The following PRKG1 variants were observed in gnomAD, a reference collection of about 807,000 sequenced individuals.
The protein encoded by PRKG1 is protein kinase cGMP-dependent 1.
PRKG1 carries 35 observed loss-of-function variants against 88.1 expected under a neutral mutation model. The ratio of observed to expected loss-of-function variants is 0.40; its 90% CI spans 0.30 to 0.53. The LOEUF is 0.53. Ranked by LOEUF, PRKG1 falls within the 20% of genes least tolerant of loss-of-function variation. The pLI is 0.59. For synonymous variants in PRKG1, 303 were observed against 292.5 expected, an observed-to-expected ratio of 1.04 and a Z score of -0.37; for missense variants, 540 against 839.8, an observed-to-expected ratio of 0.64 and a Z score of 4.41.
chr10:51,924,824 T>C (rs1842538074), intron 5 of PRKG1, among the ~76,000 whole-genome samples: 1 of 151,918 alleles, frequency 6.6e-6, no homozygotes, highest in Non-Finnish European at 1.5e-5. Context: ...TTGAGTCTAC[T>C]GATTGGCCCA....
At chr10:51,846,254 T>A (rs1840395138) in intron 4 of PRKG1, among the ~76,000 whole-genome samples, 1 of 152,198 alleles carries the variant, frequency 6.6e-6, no homozygotes, top group African/African-American at 2.4e-5. Context: ...AGAAAACTGT[T>A]GTTTTGCTTC....
At chr10:52,020,889 T>C (rs528949999) in intron 5 of PRKG1, among the ~76,000 whole-genome samples, 3 of 152,178 alleles carry the variant, frequency 2.0e-5, no homozygotes, top group South Asian at 4.1e-4. Flanking sequence ...TGTTCCTGCA[T>C]TCAATTAGCA....
chr10:51,261,611 TG>T (rs1471370613), intron 2 of PRKG1, among the ~76,000 whole-genome samples: 3 of 152,230 alleles, frequency 2.0e-5, no homozygotes, highest in African/African-American at 7.2e-5. Context: ...TTGTTTTTGT[TG>T]TTTTTGGTCT....
chr10:51,820,392 A>G (rs1463734527), intron 4 of PRKG1, among the ~76,000 whole-genome samples: 1 of 152,184 alleles, frequency 6.6e-6, no homozygotes, highest in East Asian at 1.9e-4. Flanking sequence ...GGGTAGGTGT[A>G]ATAATAAAAA....
chr10:51,613,793 CA>C (rs1838975030), intron 3 of PRKG1, among the ~76,000 whole-genome samples: 1 of 151,658 alleles, frequency 6.6e-6, no homozygotes, highest in Admixed American at 6.6e-5. Context: ...GTGTACTTTC[CA>C]AAGTGCATTT....
intron 3 of PRKG1, among the ~76,000 whole-genome samples, chr10:51,656,278 T>C (rs1311637271): frequency 6.6e-6 from 1 of 152,158 alleles, no homozygotes; most frequent in African/African-American, 2.4e-5. Flanking sequence ...GTTAGTGTAG[T>C]AGGCAATGAA....
chr10:52,272,614 T>A, intron 12 of PRKG1, 133 bp downstream of exon 12: 1 of 697,310 alleles, frequency 1.4e-6, no homozygotes, highest in Non-Finnish European at 2.4e-6. Flanking sequence ...ATATTTAAAG[T>A]AAGCACAGGG....
chr10:52,034,201 C>T (rs1845545872), intron 5 of PRKG1, among the ~76,000 whole-genome samples: 1 of 151,970 alleles, frequency 6.6e-6, no homozygotes, highest in South Asian at 2.1e-4. Flanking sequence ...GGCTCAGAGG[C>T]CTGACATTCC....
intron 3 of PRKG1, among the ~76,000 whole-genome samples, chr10:51,701,285 C>T (rs1841458191): frequency 6.6e-6 from 1 of 152,078 alleles, no homozygotes; most frequent in African/African-American, 2.4e-5. Flanking sequence ...GATTATGAAA[C>T]TTTTAAATTT....
chr10:51,076,119 G>A (rs1843946066), intron 1 of PRKG1, among the ~76,000 whole-genome samples: 1 of 152,086 alleles, frequency 6.6e-6, no homozygotes, highest in Non-Finnish European at 1.5e-5. Context: ...GTTTTTTGGG[G>A]AGAATCACAG....
intron 7 of PRKG1, among the ~76,000 whole-genome samples, chr10:52,066,718 G>C (rs1017239533): frequency 5.9e-5 from 9 of 151,990 alleles, no homozygotes; most frequent in African/African-American, 2.2e-4. Context: ...ATGTAACCTC[G>C]GCTTTTTAAG....
intron 2 of PRKG1, among the ~76,000 whole-genome samples, chr10:51,328,764 A>G (rs1244584893): frequency 6.6e-6 from 1 of 152,154 alleles, no homozygotes; most frequent in East Asian, 1.9e-4. Context: ...ATGATTAGTG[A>G]TGTTGAGCAT....
intron 1 of PRKG1, among the ~76,000 whole-genome samples, chr10:51,104,980 C>A (rs549539270): frequency 8.7e-4 from 132 of 152,170 alleles, no homozygotes; most frequent in African/African-American, 3.1e-3. Flanking sequence ...ATCACCCACC[C>A]CAGCTTCCCA....
chr10:52,181,159 G>C (rs1414187579), intron 9 of PRKG1, among the ~76,000 whole-genome samples: 1 of 152,110 alleles, frequency 6.6e-6, no homozygotes, highest in Non-Finnish European at 1.5e-5. Flanking sequence ...ACCAGAATGG[G>C]GTTTCACAGC....
intron 4 of PRKG1, among the ~76,000 whole-genome samples, chr10:51,826,313 C>T (rs189270929): frequency 1.4e-3 from 208 of 152,244 alleles, no homozygotes; most frequent in Non-Finnish European, 2.6e-3. Context: ...AATATAACTG[C>T]CCCAGATCCC....
At chr10:51,931,004 C>T (rs979618990) in intron 5 of PRKG1, among the ~76,000 whole-genome samples, 1 of 152,156 alleles carries the variant, frequency 6.6e-6, no homozygotes, top group Non-Finnish European at 1.5e-5. Context: ...ATTGGTGACT[C>T]TCAGTGAGCT....
intron 3 of PRKG1, among the ~76,000 whole-genome samples, chr10:51,598,068 T>C (rs933285463): frequency 1.3e-5 from 2 of 152,188 alleles, no homozygotes; most frequent in African/African-American, 4.8e-5. Context: ...TGCATAGGCC[T>C]TACTTTAGAG....
chr10:52,220,622 T>C (rs1589710292), intron 9 of PRKG1, among the ~76,000 whole-genome samples: 1 of 152,244 alleles, frequency 6.6e-6, no homozygotes, highest in Non-Finnish European at 1.5e-5. Context: ...TATGTGTCTA[T>C]GTATTCTCAT....
At chr10:52,134,375 G>T (rs1387252750) in intron 8 of PRKG1, among the ~76,000 whole-genome samples, 1 of 151,942 alleles carries the variant, frequency 6.6e-6, no homozygotes, top group Non-Finnish European at 1.5e-5. Flanking sequence ...AAGCATTTAG[G>T]GAAGAAACTT....
Sources: gnomAD v4.1 joint callset for allele counts (sites outside exome capture counted in the v4.1 genomes callset) on GRCh38, gnomAD v4.1.1 for gene constraint, MANE v1.5 for transcripts, NCBI Gene and HGNC (gene_info 2026-07-23, HGNC 2026-07-21) for gene names.